The following RASGRF2 variants were observed in gnomAD, a reference collection of about 807,000 sequenced individuals.
RASGRF2 encodes the protein Ras protein specific guanine nucleotide releasing factor 2.
RASGRF2 carries 76 observed loss-of-function variants against 151.0 expected under a neutral mutation model. That is an observed-to-expected ratio of 0.50 (90% CI 0.42 to 0.61). RASGRF2 has a LOEUF of 0.61. RASGRF2 is among the 20% of genes least tolerant of loss of function. The probability of loss-of-function intolerance (pLI) is 0.00; values close to 1 mark genes in which losing one functional copy is unlikely to be tolerated. For synonymous variants in RASGRF2, 504 were observed against 566.5 expected (o/e 0.89, Z 1.57); for missense variants, 1,148 against 1,564.6 (o/e 0.73, Z 4.49).
At chr5:81,191,052 A>G (rs1755143977) in intron 18 of RASGRF2, among the ~76,000 whole-genome samples, 1 of 152,162 alleles carries the variant, frequency 6.6e-6, no homozygotes, top group South Asian at 2.1e-4. Context: ...GCATTTCTGG[A>G]GACTGCGGCA....
chr5:81,188,885 A>T (rs1000329193), intron 18 of RASGRF2, among the ~76,000 whole-genome samples: 2 of 152,156 alleles, frequency 1.3e-5, no homozygotes, highest in East Asian at 1.9e-4. Context: ...TTGCAGGCCA[A>T]CTGTTGAGAT....
At position 81,073,231 on chromosome 5, in the gene RASGRF2, A is replaced by G. The variant is rs753235666; in HGVS notation, c.666A>G (p.Arg222=). The stretch of plus-strand genomic sequence containing the variant: ...GCTTCATGCGAGGATGGTTGTGCAG[A>G]AGGAAATGGAAGACCATCGTGCAGG... The part of the protein sequence containing the change: ...VQSFMRGWLC[R]RKWKTIVQDY... The change falls in exon 5 of 27, where the codon AGA becomes AGG. Residue 222 remains arginine, a synonymous_variant. Coordinates refer to ENST00000265080, the MANE Select transcript of RASGRF2 (RefSeq NM_006909.3). 5.6e-6 allele frequency: 9 copies of G among 1,614,050 alleles called. No individual in the cohort carries two copies. In the African/African-American group the frequency reaches 1.2e-4, roughly 22 times the overall value.
intron 18 of RASGRF2, among the ~76,000 whole-genome samples, chr5:81,190,351 C>T (rs982190786): frequency 1.3e-5 from 2 of 152,260 alleles, no homozygotes; most frequent in South Asian, 2.1e-4. Flanking sequence ...ATGCCTTAGG[C>T]GTCACATTTC....
intron 17 of RASGRF2, among the ~76,000 whole-genome samples, chr5:81,161,764 C>G (rs1459844011): frequency 6.6e-6 from 1 of 152,128 alleles, no homozygotes; most frequent in African/African-American, 2.4e-5. Context: ...CTTTAGTGTG[C>G]AAATGATTTG....
chr5:81,142,892 G>A (rs975189914), intron 17 of RASGRF2, among the ~76,000 whole-genome samples: 1 of 152,168 alleles, frequency 6.6e-6, no homozygotes, highest in African/African-American at 2.4e-5. Flanking sequence ...GCCTCTTGCA[G>A]TCTTGTCAGG....
intron 17 of RASGRF2, among the ~76,000 whole-genome samples, chr5:81,139,800 G>A (rs1213302137): frequency 2.6e-5 from 4 of 151,812 alleles, no homozygotes; most frequent in East Asian, 1.9e-4. Flanking sequence ...AGCTCTTTCC[G>A]TACACATCCC....
At chr5:81,109,155 C>T (rs921972368) in intron 13 of RASGRF2, 77 bp downstream of exon 13, 3 of 1,525,600 alleles carry the variant, frequency 2.0e-6, no homozygotes, top group Non-Finnish European at 2.7e-6. Context: ...GAATAAAATA[C>T]TGTGTCAATA....
Position 81,123,766 on chromosome 5 carries a change from A to T in RASGRF2, c.2595A>T (p.Gly865=). The change falls in exon 16 of 27, where the codon GGA becomes GGT. Residue 865 remains glycine, a splice_region_variant and synonymous_variant. Transcript: ENST00000265080. ...TPRHLRYRQP[G]GQTADNAHCS... is the part of the protein sequence containing the mutation. ...GGCACCTCCGCTATCGACAGCCTGG[A>T]GGTAAGAGCTCAAGAGGGACTCAGA... 1 of 1,613,398 alleles carries T rather than the reference A, an allele frequency of 6.2e-7. No homozygotes were observed. The highest frequency in any genetic ancestry group is 2.2e-5 in the East Asian group (1 of 44,882).
chr5:81,163,637 A>G (rs1422761532), intron 17 of RASGRF2, among the ~76,000 whole-genome samples: 1 of 152,210 alleles, frequency 6.6e-6, no homozygotes, highest in Non-Finnish European at 1.5e-5. Context: ...CGTGAGATCC[A>G]AGTTTATGTG....
At chr5:81,000,915 T>C (rs1401724431) in intron 1 of RASGRF2, among the ~76,000 whole-genome samples, 3 of 152,220 alleles carry the variant, frequency 2.0e-5, no homozygotes, top group Non-Finnish European at 4.4e-5. Context: ...GAAGACATGT[T>C]CTTAAAAAAT....
intron 1 of RASGRF2, among the ~76,000 whole-genome samples, chr5:81,001,025 A>G (rs144927342): frequency 5.3e-5 from 8 of 152,338 alleles, no homozygotes; most frequent in Non-Finnish European, 1.2e-4. Flanking sequence ...TACTGTTTAG[A>G]TAGATTGGGC....
chr5:81,092,798 C>T lies in RASGRF2; in HGVS notation c.1391-3C>T, dbSNP rs537262675. On this transcript the variant is annotated splice_region_variant and splice_polypyrimidine_tract_variant and intron_variant, in intron 9 of 26. Transcript: ENST00000265080. ...GTGTATTCTTCATTTTTGTAATCAC[C>T]AGGTTCTCTTATTCAAGTACCTTCC... 1 of 1,608,600 alleles carries T rather than the reference C, an allele frequency of 6.2e-7. No individual in the cohort carries two copies. The highest frequency in any genetic ancestry group is 2.2e-5 in the East Asian group (1 of 44,818).
At chr5:81,184,835 G>C (rs893836109) in intron 18 of RASGRF2, among the ~76,000 whole-genome samples, 1 of 152,230 alleles carries the variant, frequency 6.6e-6, no homozygotes. Context: ...ATTGGGGTAG[G>C]TGTGGGAGTG....
intron 18 of RASGRF2, among the ~76,000 whole-genome samples, chr5:81,183,938 G>A (rs990682991): frequency 6.6e-6 from 1 of 152,230 alleles, no homozygotes; most frequent in African/African-American, 2.4e-5. Flanking sequence ...GGACAGGAGA[G>A]ATGCACATTT....
At chr5:81,162,640 C>A (rs1754413803) in intron 17 of RASGRF2, among the ~76,000 whole-genome samples, 1 of 152,174 alleles carries the variant, frequency 6.6e-6, no homozygotes, top group African/African-American at 2.4e-5. Context: ...GCCAGCACAC[C>A]TGGATGGAAT....
intron 5 of RASGRF2, among the ~76,000 whole-genome samples, chr5:81,076,670 G>A (rs542401098): frequency 2.6e-5 from 4 of 151,560 alleles, no homozygotes; most frequent in Admixed American, 1.3e-4. Context: ...ATTAGTACAT[G>A]GACACTTCAG....
At chr5:81,214,480 A>C (rs1312238600) in intron 23 of RASGRF2, among the ~76,000 whole-genome samples, 1 of 152,214 alleles carries the variant, frequency 6.6e-6, no homozygotes, top group Non-Finnish European at 1.5e-5. Flanking sequence ...GTTGTTCAGC[A>C]GGCCTGATAA....
intron 1 of RASGRF2, among the ~76,000 whole-genome samples, chr5:80,965,696 A>T (rs976207556): frequency 6.6e-6 from 1 of 152,334 alleles, no homozygotes; most frequent in Admixed American, 6.5e-5. Context: ...TCTTTTGACA[A>T]TTAAAAAATA....
chr5:81,107,040 A>C (rs753201190), intron 12 of RASGRF2, among the ~76,000 whole-genome samples: 2 of 152,000 alleles, frequency 1.3e-5, no homozygotes, highest in Non-Finnish European at 1.5e-5. Context: ...TTTATACAAA[A>C]CAGTTTGCCA....
Sources: allele counts gnomAD v4.1 joint callset (sites outside exome capture counted in the v4.1 genomes callset), GRCh38; gene constraint gnomAD v4.1.1; transcripts MANE v1.5; gene names NCBI Gene and HGNC (gene_info 2026-07-23, HGNC 2026-07-21).